The following ALG13 variants were observed in gnomAD, a reference collection of about 807,000 sequenced individuals.
ALG13 encodes the protein ALG13 UDP-N-acetylglucosaminyltransferase subunit, also known as UDP-N-acetylglucosamine transferase subunit ALG13.
Under a neutral mutation model 87.8 loss-of-function variants are expected in ALG13, and 11 were observed. The ratio of observed to expected loss-of-function variants is 0.13; its 90% CI spans 0.08 to 0.21. ALG13 has a LOEUF of 0.21. ALG13 is among the 10% of genes least tolerant of loss of function. The pLI, the probability that ALG13 is intolerant of heterozygous loss-of-function variation, is 1.00. For synonymous variants in ALG13, 320 were observed against 306.3 expected (o/e 1.04, Z -0.47); for missense variants, 756 against 866.1 (o/e 0.87, Z 1.60).
chrX:111,717,793 A>G, intron 8 of ALG13, 53 bp from the exon 9 acceptor site: 1 of 857,797 alleles, frequency 1.2e-6, no homozygotes, highest in Non-Finnish European at 1.6e-6. Flanking sequence ...TCTTAATTTC[A>G]TGGTTTTAAG....
chrX:111,695,412 G>C (rs1421983892), intron 3 of ALG13, among the ~76,000 whole-genome samples: 1 of 109,267 alleles, frequency 9.2e-6, no homozygotes, highest in Non-Finnish European at 1.9e-5. Flanking sequence ...AATCCCAGTC[G>C]CTCAGGAGGC....
chrX:111,698,612 T>A (rs918814379), intron 3 of ALG13, among the ~76,000 whole-genome samples: 3 of 111,993 alleles, frequency 2.7e-5, no homozygotes, highest in Non-Finnish European at 5.6e-5. Flanking sequence ...TCATGCCCTC[T>A]TTGTCTTTCT....
chrX:111,738,185 G>T (rs1372686799), intron 23 of ALG13, among the ~76,000 whole-genome samples: 1 of 112,210 alleles, frequency 8.9e-6, no homozygotes, highest in African/African-American at 3.2e-5. Flanking sequence ...CTCACCTGAG[G>T]TGATAGAACT....
At position 111,708,216 on chromosome X, in the gene ALG13, T is replaced by C; in HGVS notation, c.573T>C (p.Ala191=). Residue 191 remains alanine (A), a synonymous_variant, in exon 4 of 27, where the codon GCT becomes GCC. Coordinates refer to ENST00000394780, the MANE Select transcript of ALG13 (RefSeq NM_001099922.3). ...CCCTGCTTTTTCCCTCTTGCCACGC[T>C]TTTTTTCCTCTCCCTCTTACCCCCA... is the stretch of plus-strand genomic sequence containing the variant. ...TCTLLFPSCH[A]FFPLPLTPTL... 1.7e-6 allele frequency: 2 copies of C among 1,210,399 alleles called. No homozygotes were observed. The highest frequency in any genetic ancestry group is 2.2e-6 in the Non-Finnish European group (2 of 894,419).
In ALG13 at chrX:111,712,469, A is replaced by G. The variant is rs2148043391; in HGVS notation, c.886-15A>G. ...CAGAATGTTTTTTAAAACTCAATAC[A>G]CTATTTATGTTTAGGAAAGTGCTGG... On this transcript the variant is annotated splice_polypyrimidine_tract_variant and intron_variant, in intron 6 of 26. Transcript: ENST00000394780. The G allele has an allele frequency of 1.8e-6, 2 of 1,142,102 alleles. No homozygotes were observed. Among genetic ancestry groups the G allele is most frequent in the Non-Finnish European group, 2.4e-6 (2 of 850,537 alleles). The allele number at this position is 1,142,102 out of a possible 1,213,427, so 94.1% of individuals were successfully genotyped here.
At chrX:111,750,244 G>A (rs773282319) in intron 24 of ALG13, among the ~76,000 whole-genome samples, 1 of 110,697 alleles carries the variant, frequency 9.0e-6, no homozygotes, top group East Asian at 2.8e-4. Flanking sequence ...CATTCTCCCT[G>A]GCCTTAGCAA....
chrX:111,702,427 C>A (rs1480005348), intron 3 of ALG13, among the ~76,000 whole-genome samples: 1 of 111,694 alleles, frequency 9.0e-6, no homozygotes, highest in African/African-American at 3.3e-5. Flanking sequence ...ATGTAGTGTT[C>A]AATGATTTTA....
At chrX:111,681,631 A>AGCTCGGGTTTTCCACCGG (rs1933270991) in intron 1 of ALG13, 1 of 918,567 alleles carries the variant, frequency 1.1e-6, no homozygotes, top group Admixed American at 6.0e-5. Context: ...CGCCCCTCCG[A>AGCTCGGGTTTTCCACCGG]GCTCGGGTTT....
At chrX:111,684,819 C>T in intron 2 of ALG13, 146 bp from the exon 3 acceptor site, 1 of 533,212 alleles carries the variant, frequency 1.9e-6, no homozygotes. Context: ...TAACTATACT[C>T]TTGTCATTTT....
chrX:111,720,203 A>T (rs1941229035), intron 11 of ALG13, 33 bp downstream of exon 11: 2 of 1,033,125 alleles, frequency 1.9e-6, no homozygotes, highest in African/African-American at 1.9e-5. Flanking sequence ...GAATTTTCAT[A>T]GTCTTGGCTT....
intron 3 of ALG13, chrX:111,688,371 A>G: frequency 1.4e-6 from 1 of 719,402 alleles, no homozygotes; most frequent in South Asian, 7.1e-5. Context: ...AACAACTTTT[A>G]TGTAAAAAAA....
intron 26 of ALG13, among the ~76,000 whole-genome samples, chrX:111,759,213 C>G (rs1468897899): frequency 9.6e-6 from 1 of 103,659 alleles, no homozygotes; most frequent in African/African-American, 3.6e-5. Flanking sequence ...TTTATTTCTA[C>G]TGGAACTGAC....
intron 21 of ALG13, among the ~76,000 whole-genome samples, chrX:111,731,730 C>G (rs1942710211): frequency 8.9e-6 from 1 of 112,110 alleles, no homozygotes; most frequent in African/African-American, 3.2e-5. Context: ...TACCAATAGC[C>G]ATACTACAGT....
At chrX:111,722,289 G>A (rs758967266) in intron 12 of ALG13, among the ~76,000 whole-genome samples, 72 of 111,555 alleles carry the variant, frequency 6.5e-4, no homozygotes, top group African/African-American at 2.2e-3. Flanking sequence ...ACCAACCCTT[G>A]AAAATAGGTC....
intron 10 of ALG13, among the ~76,000 whole-genome samples, chrX:111,719,572 A>G (rs1941145677): frequency 8.9e-6 from 1 of 112,481 alleles, no homozygotes; most frequent in Admixed American, 9.4e-5. Context: ...CGGCTTAGCT[A>G]GATCTTCTGC....
At chrX:111,703,334 A>C (rs775392236) in intron 3 of ALG13, among the ~76,000 whole-genome samples, 1 of 111,352 alleles carries the variant, frequency 9.0e-6, no homozygotes, top group South Asian at 3.8e-4. Flanking sequence ...ATTGTTGACT[A>C]TTCTGTGAGC....
intron 5 of ALG13, among the ~76,000 whole-genome samples, chrX:111,709,431 A>T (rs749383698): frequency 1.8e-5 from 2 of 112,350 alleles, no homozygotes; most frequent in South Asian, 7.3e-4. Context: ...TAAAATACGT[A>T]AAAATGGGAA....
Position 111,749,959 on chromosome X carries a change from CTT to C in ALG13, c.2933-2829_2933-2828del, listed in dbSNP as rs756011818. ...GTCTCACTGCTCTGGTACTATTCCACTTTGTGTCTGTTCCTAGCTCAGAACTC... is the reference window on the plus strand; with the variant it reads ...GTCTCACTGCTCTGGTACTATTCCACTGTGTCTGTTCCTAGCTCAGAACTC... On this transcript the variant is annotated intron_variant, in intron 24 of 26. Coordinates refer to ENST00000394780, the MANE Select transcript of ALG13 (RefSeq NM_001099922.3). Among the ~76,000 whole-genome samples, 40 of 111,499 alleles carry C rather than the reference CTT, an allele frequency of 3.6e-4. No individual in the cohort carries two copies. The East Asian group carries it at 0.011, about 32-fold the overall frequency.
At chrX:111,728,407 C>T (rs756933129) in intron 19 of ALG13, 102 bp downstream of exon 19, 13 of 925,519 alleles carry the variant, frequency 1.4e-5, no homozygotes, top group Non-Finnish European at 1.9e-5. Context: ...CTCTCTGTTC[C>T]AGTAGCTTAG....
Sources: allele counts gnomAD v4.1 joint callset (sites outside exome capture counted in the v4.1 genomes callset), GRCh38; gene constraint gnomAD v4.1.1; transcripts MANE v1.5; gene names NCBI Gene and HGNC (gene_info 2026-07-23, HGNC 2026-07-21).